Variants in BMS1 observed in about 807,000 individuals in gnomAD.
BMS1 encodes BMS1 ribosome biogenesis factor, also known as ribosome biogenesis protein BMS1 homolog.
Under a neutral mutation model 138.7 loss-of-function variants are expected in BMS1, and 53 were observed. The ratio of observed to expected loss-of-function variants is 0.38; its 90% CI spans 0.31 to 0.48. The LOEUF is 0.48. BMS1 is among the 20% of genes least tolerant of loss of function. The pLI is 0.97. For synonymous variants in BMS1, 504 were observed against 539.9 expected (o/e 0.93, Z 0.92); for missense variants, 1,360 against 1,565.5 (o/e 0.87, Z 2.22).
At chr10:42,795,773 T>A (rs191273083) in intron 9 of BMS1, among the ~76,000 whole-genome samples, 112 of 152,370 alleles carry the variant, frequency 7.4e-4, no homozygotes, top group Non-Finnish European at 5.4e-4. Flanking sequence ...ATGATTCTTC[T>A]GTATCAGTTA....
rs749914584 is a variant in BMS1, at chr10:42,784,509, A to C, written c.115A>C (p.Lys39Gln). 1.2e-5 allele frequency: 20 copies of C among 1,613,860 alleles called. No individual in the cohort carries two copies. The highest frequency in any genetic ancestry group is 1.2e-5 in the Non-Finnish European group (14 of 1,179,868). ...GCTAGGAGACGAAGAAGATGCCCGG[A>C]AGAGAAATCCCAAAGCTTTTGCAGT... Reference protein sequence around the residue: ...LQLGDEEDARKRNPKAFAVQS... With the variant: ...LQLGDEEDARQRNPKAFAVQS... Residue 39 changes from lysine (K) to glutamine (Q), a missense_variant, in exon 2 of 23, where the codon AAG becomes CAG. Lys to Gln is a moderately conservative substitution (Grantham distance 53, BLOSUM62 1). Coordinates refer to ENST00000374518, the MANE Select transcript of BMS1 (RefSeq NM_014753.4).
chr10:42,831,060 G>C lies in BMS1; in HGVS notation c.3813G>C (p.Lys1271Asn), dbSNP rs772083574. ...GGCAGAAGGAAAGAAGAAACCAGAA[G>C]TCCAGTTTGAAGGGGGCTGAGGGCC... ...IQGQKERRNQ[K>N]SSLKGAEGQL... The change falls in exon 23 of 23, where the codon AAG becomes AAC. Residue 1271 changes from lysine (K) to asparagine (N), a missense_variant. Around this residue, in one of 3 missense-constraint regions of BMS1, gnomAD observed 425 missense variants for 568.3 expected, o/e 0.75. Transcript: ENST00000374518. 11 of 1,577,840 alleles carry C rather than the reference G, an allele frequency of 7.0e-6. No individual in the cohort carries two copies. Among genetic ancestry groups the C allele is most frequent in the Non-Finnish European group, 9.5e-6 (11 of 1,160,334 alleles).
intron 14 of BMS1, 139 bp from the exon 15 acceptor site, chr10:42,817,179 T>C (rs1162871555): frequency 5.8e-5 from 40 of 692,724 alleles, no homozygotes; most frequent in East Asian, 3.6e-4. Context: ...AAAGGTTGTG[T>C]TGTGTTTTCT....
Position 42,827,138 on chromosome 10 carries a change from G to A in BMS1, c.3457-3123G>A, listed in dbSNP as rs184952799. ...GTGGATTGTTACCAGAGTGAGTTCA[G>A]CTTCCTAGACTCTCGTGTTTCCTCT... On this transcript the variant is annotated intron_variant, in intron 21 of 22. Coordinates refer to ENST00000374518, the MANE Select transcript of BMS1 (RefSeq NM_014753.4). Among the ~76,000 whole-genome samples, 24 of 152,200 alleles carry A rather than the reference G, an allele frequency of 1.6e-4. No homozygotes were observed. In the East Asian group the frequency reaches 4.6e-3, roughly 29 times the overall value.
intron 21 of BMS1, among the ~76,000 whole-genome samples, chr10:42,826,128 G>C (rs1283401624): frequency 6.6e-6 from 1 of 152,014 alleles, no homozygotes; most frequent in Non-Finnish European, 1.5e-5. Context: ...ACTTAAACAC[G>C]ATGTATAAAG....
At chr10:42,808,908 T>A (rs1842089842) in intron 13 of BMS1, among the ~76,000 whole-genome samples, 1 of 152,192 alleles carries the variant, frequency 6.6e-6, no homozygotes, top group Non-Finnish European at 1.5e-5. Context: ...TTCCTGTAGC[T>A]TTATAGTGAG....
intron 10 of BMS1, 25 bp from the exon 11 acceptor site, chr10:42,797,397 T>G: frequency 1.2e-6 from 2 of 1,612,340 alleles, no homozygotes; most frequent in East Asian, 4.5e-5. Context: ...TAAGCCTAAC[T>G]GGAGGTTGGC....
chr10:42,824,436 C>G, intron 21 of BMS1, among the ~76,000 whole-genome samples: 1 of 152,160 alleles, frequency 6.6e-6, no homozygotes, highest in South Asian at 2.1e-4. Context: ...TATAGGTTCC[C>G]TTTTCATTTT....
At chr10:42,819,938 C>T (rs778093918) in intron 15 of BMS1, among the ~76,000 whole-genome samples, 4 of 152,032 alleles carry the variant, frequency 2.6e-5, no homozygotes, top group Non-Finnish European at 5.9e-5. Flanking sequence ...ACTACAGGCA[C>T]GCACCACCAC....
chr10:42,798,776 T>C (rs1011571802), intron 12 of BMS1, 151 bp downstream of exon 12: 5 of 1,097,368 alleles, frequency 4.6e-6, no homozygotes, highest in Non-Finnish European at 6.4e-6. Flanking sequence ...GGGCGCTTCA[T>C]GCATCCTAAG....
chr10:42,788,952 CA>C (rs1025964001), intron 4 of BMS1, among the ~76,000 whole-genome samples: 1 of 152,208 alleles, frequency 6.6e-6, no homozygotes, highest in African/African-American at 2.4e-5. Flanking sequence ...GTAAGTACTG[CA>C]GCTCTGTCTC....
In BMS1 at chr10:42,820,269, G is replaced by C; in HGVS notation, c.2614G>C (p.Glu872Gln). Residue 872 changes from glutamate (E) to glutamine (Q), a missense_variant, in exon 16 of 23, where the codon GAA (glutamate) becomes CAA (glutamine). Physicochemically the swap from Glu to Gln is conservative, Grantham distance 29 (BLOSUM62 2). Coordinates refer to ENST00000374518, the MANE Select transcript of BMS1 (RefSeq NM_014753.4). ...CGCAGAATTTGAAGATCAAGATGAT[G>C]AAGCCAGAGTTCAGTATGAGGGTTT... ...NRAEFEDQDD[E>Q]ARVQYEGFRP... 2 of 1,613,280 alleles carry C rather than the reference G, an allele frequency of 1.2e-6. No homozygotes were observed. The highest frequency in any genetic ancestry group is 1.7e-6 in the Non-Finnish European group (2 of 1,179,862).
chr10:42,826,237 T>TGG (rs1554799887), intron 21 of BMS1, among the ~76,000 whole-genome samples: 2 of 145,648 alleles, frequency 1.4e-5, no homozygotes, highest in African/African-American at 5.1e-5. Flanking sequence ...TTTTTGTTTG[T>TGG]TGTGTGTGTG....
intron 4 of BMS1, among the ~76,000 whole-genome samples, chr10:42,788,822 G>C (rs1216913548): frequency 2.0e-5 from 3 of 152,196 alleles, no homozygotes; most frequent in African/African-American, 7.2e-5. Context: ...CTGCAGAGCA[G>C]TATCCTTTTA....
At chr10:42,787,840 G>A in intron 4 of BMS1, among the ~76,000 whole-genome samples, 1 of 152,150 alleles carries the variant, frequency 6.6e-6, no homozygotes, top group South Asian at 2.1e-4. Context: ...AGTCTAGACA[G>A]TCCTCAGTGT....
chr10:42,797,557 T>A, intron 11 of BMS1, 34 bp downstream of exon 11: 1 of 1,594,158 alleles, frequency 6.3e-7, no homozygotes, highest in Non-Finnish European at 8.6e-7. Flanking sequence ...AGAAATGTTT[T>A]AGTTTCTCTG....
intron 9 of BMS1, 151 bp downstream of exon 9, chr10:42,794,142 A>C: frequency 1.2e-6 from 1 of 829,326 alleles, no homozygotes; most frequent in Admixed American, 2.9e-5. Context: ...AGGGCTCTTC[A>C]CTTACCTGAC....
At chr10:42,826,082 A>G (rs765029441) in intron 21 of BMS1, among the ~76,000 whole-genome samples, 11 of 152,222 alleles carry the variant, frequency 7.2e-5, no homozygotes, top group Non-Finnish European at 1.2e-4. Flanking sequence ...TGATTTACAT[A>G]TGTTAAACCA....
At chr10:42,791,068 C>G (rs998938011) in intron 5 of BMS1, among the ~76,000 whole-genome samples, 2 of 151,648 alleles carry the variant, frequency 1.3e-5, no homozygotes, top group Non-Finnish European at 2.9e-5. Context: ...TGCTGAATTC[C>G]TTTGTGTGTG....
Sources: gnomAD v4.1 joint callset for allele counts (sites outside exome capture counted in the v4.1 genomes callset) on GRCh38, gnomAD v4.1.1 for gene constraint, gnomAD v4.1.1 regional missense constraint, MANE v1.5 for transcripts, NCBI Gene and HGNC (gene_info 2026-07-23, HGNC 2026-07-21) for gene names.